ULK1: variants seen among roughly 807,000 people sequenced by gnomAD.
The protein encoded by ULK1 is unc-51 like autophagy activating kinase 1, also known as serine/threonine-protein kinase ULK1.
In ULK1, 48 loss-of-function variants were observed where a neutral mutation model predicts 117.5. That is an observed-to-expected ratio of 0.41 (90% CI 0.32 to 0.52). The LOEUF (loss-of-function observed/expected upper bound fraction) is 0.52. ULK1 is among the 20% of genes least tolerant of loss of function. The pLI is 0.29. For synonymous variants in ULK1, 790 were observed against 637.8 expected (o/e 1.24, Z -3.60); for missense variants, 1,387 against 1,473.4 (o/e 0.94, Z 0.96).
In ULK1 at chr12:131,910,699, A is replaced by C. The variant is rs1364229125; in HGVS notation, c.860-13A>C. The C allele has an allele frequency of 6.2e-7, 1 of 1,613,022 alleles. No individual in the cohort carries two copies. Among genetic ancestry groups the C allele is most frequent in the Admixed American group, 1.7e-5 (1 of 60,012 alleles). ...GAGGATGGCCCAGACTGACCTATGC[A>C]TGTTTATCTCAGCCCCACCCGTGCC... On this transcript the variant is annotated splice_polypyrimidine_tract_variant and intron_variant, in intron 11 of 27. Coordinates refer to ENST00000321867, the MANE Select transcript of ULK1 (RefSeq NM_003565.4).
chr12:131,920,861 CTG>C, intron 26 of ULK1: 2 of 560,054 alleles, frequency 3.6e-6, no homozygotes, highest in Middle Eastern at 4.8e-4. Context: ...GGCGGGCACT[CTG>C]TTGTCCTGGG....
At chr12:131,916,628 G>T (rs1334835006) in intron 20 of ULK1, 37 bp downstream of exon 20, 6 of 1,508,184 alleles carry the variant, frequency 4.0e-6, no homozygotes, top group Non-Finnish European at 5.3e-6. Flanking sequence ...GGGCTTCTGA[G>T]GGGCAGCCTC....
intron 3 of ULK1, among the ~76,000 whole-genome samples, chr12:131,905,815 G>A (rs964208049): frequency 6.6e-6 from 1 of 152,190 alleles, no homozygotes. Context: ...GGCCGTTGGG[G>A]TGTGTGCTGT....
chr12:131,895,145 C>T, intron 1 of ULK1, 33 bp downstream of exon 1: 1 of 1,427,802 alleles, frequency 7.0e-7, no homozygotes, highest in South Asian at 1.3e-5. Flanking sequence ...GATCCCCCGC[C>T]CAGGATCCCC....
In ULK1 at chr12:131,914,364, G is replaced by T; in HGVS notation, c.1260G>T (p.Pro420=). ...SSPSPSGRAG[P]FSSSRCGASV... ...CTCTCCACCACAGCCGGGCTGGCCCGTTCTCCAGCAGCAGGTGCGGCGCCT... is the reference window on the plus strand; with the variant it reads ...CTCTCCACCACAGCCGGGCTGGCCCTTTCTCCAGCAGCAGGTGCGGCGCCT... Residue 420 remains proline, a synonymous_variant, in exon 16 of 28, where the codon CCG becomes CCT. Transcript: ENST00000321867. The T allele has an allele frequency of 6.2e-7, 1 of 1,611,174 alleles. No homozygotes were observed. The highest frequency in any genetic ancestry group is 2.2e-5 in the East Asian group (1 of 44,886).
chr12:131,918,451 G>A (rs377498179), intron 22 of ULK1, 46 bp from the exon 23 acceptor site: 111 of 1,568,852 alleles, frequency 7.1e-5, no homozygotes, highest in Middle Eastern at 1.7e-4. Context: ...TGGGGGCCAC[G>A]GTGTCTGCTG....
intron 14 of ULK1, 84 bp downstream of exon 14, chr12:131,913,342 A>G (rs1484871498): frequency 7.4e-7 from 1 of 1,352,306 alleles, no homozygotes; most frequent in Admixed American, 3.0e-5. Flanking sequence ...CAATGAGCCG[A>G]GATCGCGCCA....
At chr12:131,906,580 ACACACACCTGCC>A (rs1275708557) in intron 3 of ULK1, 2 of 424,926 alleles carry the variant, frequency 4.7e-6, no homozygotes, top group Non-Finnish European at 4.3e-6. Context: ...CCTGAGGGTC[ACACACACCTGCC>A]CACACACCTG....
At chr12:131,915,490 TA>T in intron 18 of ULK1, 69 bp downstream of exon 18, 1 of 1,547,424 alleles carries the variant, frequency 6.5e-7, no homozygotes, top group South Asian at 1.2e-5. Context: ...CATCCTGGTC[TA>T]AAGCCCTTGC....
chr12:131,894,829 G>T lies in ULK1; in HGVS notation c.-173G>T. 6.6e-6 allele frequency: 1 copy of T among 152,466 alleles called. No homozygotes were observed. Among genetic ancestry groups the T allele is most frequent in the South Asian group, 2.0e-4 (1 of 5,052 alleles). The allele number at this position is 152,466 out of a possible 1,614,324, so 9.4% of individuals were successfully genotyped here. On this transcript the variant is annotated 5_prime_UTR_variant, in exon 1 of 28. Coordinates refer to ENST00000321867, the MANE Select transcript of ULK1 (RefSeq NM_003565.4). ...GACCCCGCCTGGCCCGCGGGGCTGG[G>T]ACCCGGCCCCGGCCTGCCCGATGGG...
At chr12:131,909,102 G>A (rs756264600) in intron 7 of ULK1, 34 bp from the exon 8 acceptor site, 1 of 1,600,922 alleles carries the variant, frequency 6.2e-7, no homozygotes, top group South Asian at 1.1e-5. Context: ...TGGCGTGCGG[G>A]GGCCTCACAC....
At position 131,911,934 on chromosome 12, in the gene ULK1, ACT is replaced by A. The variant is rs1889554994; in HGVS notation, c.949-4_949-3del. The A allele has an allele frequency of 1.2e-6, 2 of 1,612,390 alleles. No homozygotes were observed. Among genetic ancestry groups the A allele is most frequent in the Non-Finnish European group, 1.7e-6 (2 of 1,179,838 alleles). On this transcript the variant is annotated splice_polypyrimidine_tract_variant and splice_region_variant and intron_variant, in intron 12 of 27. Coordinates refer to ENST00000321867, the MANE Select transcript of ULK1 (RefSeq NM_003565.4). ...GACCTGCTCACCAGCCCCTCCGTTGACTCTCAGTCCCTGGGCGAGATGCAGCA... is the reference window on the plus strand; with the variant it reads ...GACCTGCTCACCAGCCCCTCCGTTGACTCAGTCCCTGGGCGAGATGCAGCA...
chr12:131,919,671 G>C, intron 25 of ULK1, 81 bp downstream of exon 25: 1 of 1,479,344 alleles, frequency 6.8e-7, no homozygotes, highest in Non-Finnish European at 9.3e-7. Flanking sequence ...CAGGGTAACA[G>C]GGAGGCTGCT....
intron 20 of ULK1, 98 bp downstream of exon 20, chr12:131,916,689 GC>G: frequency 7.3e-7 from 1 of 1,364,448 alleles, no homozygotes; most frequent in Non-Finnish European, 9.6e-7. Flanking sequence ...AACAGGAAAA[GC>G]CCAGCCTTGC....
intron 19 of ULK1, 27 bp from the exon 20 acceptor site, chr12:131,916,371 G>C: frequency 6.5e-7 from 1 of 1,543,808 alleles, no homozygotes; most frequent in Non-Finnish European, 8.7e-7. Flanking sequence ...CTGCGGGGCA[G>C]TCTTCACCCC....
Position 131,909,976 on chromosome 12 carries a change from C to T in ULK1, c.783C>T (p.Arg261=). 1 of 1,612,156 alleles carries T rather than the reference C, an allele frequency of 6.2e-7. No individual in the cohort carries two copies. Among genetic ancestry groups the T allele is most frequent in the Non-Finnish European group, 8.5e-7 (1 of 1,179,846 alleles). ...AGCTGCTCCTGGCCCTACTGCAACG[C>T]AACCACAAGGACCGCATGGACTTCG... ...LRQLLLALLQ[R]NHKDRMDFDE... is the part of the protein sequence containing the mutation. Residue 261 remains arginine, a synonymous_variant, in exon 10 of 28, where the codon CGC becomes CGT. Transcript: ENST00000321867.
At position 131,907,521 on chromosome 12, in the gene ULK1, CT is replaced by C; in HGVS notation, c.307del (p.Tyr103ThrfsTer8). On this transcript the variant is annotated frameshift_variant, in exon 5 of 28. Transcript: ENST00000321867. LOFTEE classifies it high-confidence loss of function. Reference protein sequence around the residue: ...EYCNGGDLADYLHAMRTLSED... With the variant: ...EYCNGGDLADXLHAMRTLSED... ...ACTGCAACGGTGGGGACCTGGCCGA[CT>C]ACCTGCACGGTGAGTGCACAGCTGC... The C allele has an allele frequency of 6.2e-7, 1 of 1,612,294 alleles. No individual in the cohort carries two copies. The highest frequency in any genetic ancestry group is 8.5e-7 in the Non-Finnish European group (1 of 1,179,726).
In ULK1 at chr12:131,908,787, GCCAACCCCAACAGCAT is replaced by G. The variant is rs1260230310; in HGVS notation, c.463_478del (p.Asn155AlafsTer17). 1 of 1,606,878 alleles carries G rather than the reference GCCAACCCCAACAGCAT, an allele frequency of 6.2e-7. No individual in the cohort carries two copies. The highest frequency in any genetic ancestry group is 8.5e-7 in the Non-Finnish European group (1 of 1,177,640). On this transcript the variant is annotated frameshift_variant, in exon 6 of 28. Coordinates refer to ENST00000321867, the MANE Select transcript of ULK1 (RefSeq NM_003565.4). LOFTEE classifies it high-confidence loss of function. ...GCTGTCCAACCCCGCCGGCCGCCGC[GCCAACCCCAACAGCAT>G]CCGCGTCAAGATCGGTCAGCCCGCG...
At chr12:131,895,882 T>A in intron 3 of ULK1, 58 bp downstream of exon 3, 1 of 1,603,076 alleles carries the variant, frequency 6.2e-7, no homozygotes. Flanking sequence ...TGGCCCCAGG[T>A]GCTGGATCCC....
Sources: allele counts gnomAD v4.1 joint callset (sites outside exome capture counted in the v4.1 genomes callset), GRCh38; gene constraint gnomAD v4.1.1; transcripts MANE v1.5; gene names NCBI Gene and HGNC (gene_info 2026-07-23, HGNC 2026-07-21).